Variants in COL23A1 observed in about 807,000 individuals in gnomAD.
COL23A1 encodes the protein collagen type XXIII alpha 1 chain, also known as collagen alpha-1(XXIII) chain.
Under a neutral mutation model 99.3 loss-of-function variants are expected in COL23A1, and 97 were observed. That is an observed-to-expected ratio of 0.98 (90% CI 0.83 to 1.16). COL23A1 has a LOEUF of 1.16. Ranked by LOEUF, COL23A1 falls within the 50% of genes most tolerant of loss-of-function variation. The probability of loss-of-function intolerance (pLI) is 0.00; values close to 1 mark genes in which losing one functional copy is unlikely to be tolerated. For missense variants in COL23A1, 762 were observed against 757.4 expected (o/e 1.01, Z -0.07); for synonymous variants, 320 against 308.2 (o/e 1.04, Z -0.40).
chr5:178,246,193 C>G, intron 24 of COL23A1, 61 bp downstream of exon 24: 1 of 1,533,460 alleles, frequency 6.5e-7, no homozygotes. Context: ...GGTCCCCGGG[C>G]TGAGCGCCAC....
chr5:178,257,582 C>T lies in COL23A1; in HGVS notation c.730-15G>A. The T allele has an allele frequency of 6.4e-7, 1 of 1,553,918 alleles. No homozygotes were observed. The highest frequency in any genetic ancestry group is 8.7e-7 in the Non-Finnish European group (1 of 1,148,794). ...CCATCGTCGCCCTGAGGAGAGGACA[C>T]CTGGGGCTTGCCGGTCAGACCCTCG... On this transcript the variant is annotated splice_polypyrimidine_tract_variant and intron_variant, in intron 12 of 28. Transcript: ENST00000390654.
rs182365757 is a variant in COL23A1 at position 178,486,812 on chromosome 5, A to G, written c.361+73870T>C. ...ACACTTAAGAGTGTAAGCAAGACTCACAGGAACCTACTGTGTCTCGCCTTG... is the reference window on the plus strand; with the variant it reads ...ACACTTAAGAGTGTAAGCAAGACTCGCAGGAACCTACTGTGTCTCGCCTTG... On this transcript the variant is annotated intron_variant, in intron 2 of 28. Coordinates refer to ENST00000390654, the MANE Select transcript of COL23A1 (RefSeq NM_173465.4). Among the ~76,000 whole-genome samples the G allele has an allele frequency of 1.5e-3, 229 of 152,314 alleles. 2 individuals carry two copies. Among genetic ancestry groups the G allele is most frequent in the African/African-American group, 5.0e-3 (208 of 41,566 alleles).
rs561010949 is a variant in COL23A1 at position 178,354,734 on chromosome 5, A to G, written c.362-47815T>C. ...GCAGAAGCCACTATGCTTCCCGTAC[A>G]GACTGTGAAAACGCGAGCCAATTAA... On this transcript the variant is annotated intron_variant, in intron 2 of 28. Coordinates refer to ENST00000390654, the MANE Select transcript of COL23A1 (RefSeq NM_173465.4). 2.0e-5 allele frequency among the ~76,000 whole-genome samples: 3 copies of G among 152,256 alleles called. No homozygotes were observed. In the East Asian group the frequency reaches 5.8e-4, roughly 29 times the overall value.
intron 17 of COL23A1, among the ~76,000 whole-genome samples, 173 bp downstream of exon 17, chr5:178,252,371 G>A (rs1349737688): frequency 6.6e-6 from 1 of 151,730 alleles, no homozygotes; most frequent in East Asian, 1.9e-4. Context: ...AGAGTAGATC[G>A]AGCCCAGGAA....
At chr5:178,485,197 A>T (rs1256304094) in intron 2 of COL23A1, among the ~76,000 whole-genome samples, 3 of 152,022 alleles carry the variant, frequency 2.0e-5, no homozygotes, top group Admixed American at 6.6e-5. Context: ...GATAGGCAGG[A>T]TGTGGTGGCT....
intron 27 of COL23A1, among the ~76,000 whole-genome samples, chr5:178,241,676 C>T (rs1764408469): frequency 6.6e-6 from 1 of 152,216 alleles, no homozygotes; most frequent in African/African-American, 2.4e-5. Flanking sequence ...GTGCTGATGA[C>T]TCCAGGTAAA....
chr5:178,429,173 C>T (rs945193583), intron 2 of COL23A1, among the ~76,000 whole-genome samples: 1 of 152,190 alleles, frequency 6.6e-6, no homozygotes. Flanking sequence ...GGTATTACCT[C>T]ATCCTGCAGT....
intron 7 of COL23A1, among the ~76,000 whole-genome samples, chr5:178,268,336 T>C (rs1756025766): frequency 6.6e-6 from 1 of 152,312 alleles, no homozygotes; most frequent in East Asian, 1.9e-4. Context: ...GCCGCAGAGA[T>C]AGCTGTCCGC....
intron 1 of COL23A1, among the ~76,000 whole-genome samples, chr5:178,562,941 C>T (rs1366225824): frequency 6.6e-6 from 1 of 151,794 alleles, no homozygotes; most frequent in Non-Finnish European, 1.5e-5. Flanking sequence ...AGCTACAGAG[C>T]ACTGATTGGT....
At chr5:178,378,318 C>T (rs1162570001) in intron 2 of COL23A1, 1 of 152,106 alleles carries the variant, frequency 6.6e-6, no homozygotes, top group East Asian at 1.9e-4. Context: ...CTCAGTCTGC[C>T]CCATTTCAGG....
At chr5:178,503,422 C>T (rs1758684773) in intron 2 of COL23A1, among the ~76,000 whole-genome samples, 1 of 152,176 alleles carries the variant, frequency 6.6e-6, no homozygotes, top group Non-Finnish European at 1.5e-5. Context: ...TTAGGCAGTG[C>T]TGAGGACATA....
At chr5:178,270,470 G>C (rs1756225771) in intron 5 of COL23A1, 107 bp from the exon 6 acceptor site, 1 of 1,367,078 alleles carries the variant, frequency 7.3e-7, no homozygotes, top group African/African-American at 1.4e-5. Flanking sequence ...AAGCCTGTGG[G>C]AGCCCCGCGT....
At chr5:178,521,349 G>C (rs1397808597) in intron 2 of COL23A1, among the ~76,000 whole-genome samples, 1 of 151,990 alleles carries the variant, frequency 6.6e-6, no homozygotes, top group Non-Finnish European at 1.5e-5. Flanking sequence ...GTCAGGAGAT[G>C]GAGACCATCC....
At chr5:178,518,097 T>C (rs1285840092) in intron 2 of COL23A1, among the ~76,000 whole-genome samples, 1 of 127,690 alleles carries the variant, frequency 7.8e-6, no homozygotes, top group Non-Finnish European at 1.6e-5. Context: ...TGGTGATGAC[T>C]CTTAAGGAGC....
chr5:178,258,848 C>G (rs941504769), intron 12 of COL23A1, among the ~76,000 whole-genome samples: 2 of 151,906 alleles, frequency 1.3e-5, no homozygotes, highest in Admixed American at 1.3e-4. Context: ...ATGCATGCCA[C>G]TGCACCTGGC....
At chr5:178,581,869 G>A (rs750518162) in intron 1 of COL23A1, among the ~76,000 whole-genome samples, 9 of 151,990 alleles carry the variant, frequency 5.9e-5, no homozygotes. Context: ...TTAAAAGCAA[G>A]GTAAAAATGG....
At position 178,248,186 on chromosome 5, in the gene COL23A1, C is replaced by T. The variant is rs768741280; in HGVS notation, c.1212+6G>A. The T allele has an allele frequency of 1.9e-6, 3 of 1,589,360 alleles. No individual in the cohort carries two copies. Among genetic ancestry groups the T allele is most frequent in the South Asian group, 1.1e-5 (1 of 90,194 alleles). ...GGGAAGCCCTGACCCCCCCATACCC[C>T]CTTACCAGGCTCTCCTGTAGGCTGT... On this transcript the variant is annotated splice_donor_region_variant and intron_variant, in intron 20 of 28. Transcript: ENST00000390654.
At position 178,306,257 on chromosome 5, in the gene COL23A1, C is replaced by T. The variant is rs1300040634; in HGVS notation, c.406+618G>A. ...AAGAAAGAGAAAGACAGCAAAGCAT[C>T]CAGTGTGGCCATCAGAGGTCAGCAT... On this transcript the variant is annotated intron_variant, in intron 3 of 28. Transcript: ENST00000390654. This position sits in a 1 kb window ranked among gnomAD's most constrained non-coding sequence, Gnocchi z 4.1. Among the ~76,000 whole-genome samples, 2 of 151,972 alleles carry T rather than the reference C, an allele frequency of 1.3e-5. No individual in the cohort carries two copies. The highest frequency in any genetic ancestry group is 4.8e-5 in the African/African-American group (2 of 41,362).
At chr5:178,538,550 C>T (rs1232518854) in intron 2 of COL23A1, among the ~76,000 whole-genome samples, 2 of 152,196 alleles carry the variant, frequency 1.3e-5, no homozygotes, top group Non-Finnish European at 2.9e-5. Flanking sequence ...CAAGGGCTGG[C>T]ATCCATTTGC....
Sources: allele counts gnomAD v4.1 joint callset (sites outside exome capture counted in the v4.1 genomes callset), GRCh38; gene constraint gnomAD v4.1.1; non-coding constraint Gnocchi (gnomAD v3.1); transcripts MANE v1.5; gene names NCBI Gene and HGNC (gene_info 2026-07-23, HGNC 2026-07-21).